CACNA1S: variants seen among roughly 807,000 people sequenced by gnomAD.
The protein encoded by CACNA1S is calcium voltage-gated channel subunit alpha1 S.
CACNA1S carries 126 observed loss-of-function variants against 207.4 expected under a neutral mutation model. The ratio of observed to expected loss-of-function variants is 0.61; its 90% confidence interval spans 0.53 to 0.70. CACNA1S has a LOEUF of 0.70. Among genes scored for constraint, CACNA1S ranks in the 30% least tolerant of loss-of-function variants. CACNA1S has a pLI of 0.00. For missense variants in CACNA1S, 2,349 were observed against 2,422.8 expected, an observed-to-expected ratio of 0.97 and a Z score of 0.64; for synonymous variants, 960 against 932.7, an observed-to-expected ratio of 1.03 and a Z score of -0.53.
chr1:201,058,100 A>G (rs1442084135), intron 28 of CACNA1S, among the ~76,000 whole-genome samples: 1 of 152,064 alleles, frequency 6.6e-6, no homozygotes, highest in Non-Finnish European at 1.5e-5. Context: ...CCTTTCCTTC[A>G]GGCAGATGGC....
At chr1:201,059,361 C>T (rs1660965220) in intron 26 of CACNA1S, 62 bp from the exon 27 acceptor site, 3 of 1,022,208 alleles carry the variant, frequency 2.9e-6, no homozygotes, top group Admixed American at 1.8e-5. Flanking sequence ...CTGTAGATTG[C>T]ATTCCCAGAG....
At chr1:201,058,659 A>T (rs560817431) in intron 27 of CACNA1S, among the ~76,000 whole-genome samples, 168 bp from the exon 28 acceptor site, 1 of 151,336 alleles carries the variant, frequency 6.6e-6, no homozygotes, top group Admixed American at 6.6e-5. Context: ...GGCTCCCCCA[A>T]CTCCAACACT....
At position 201,053,312 on chromosome 1, in the gene CACNA1S, G is replaced by T. The variant is rs771756267; in HGVS notation, c.3796-38C>A. On this transcript the variant is annotated intron_variant, in intron 30 of 43. Transcript: ENST00000362061. The surrounding 1 kb of genome is among the most constrained non-coding windows in gnomAD (Gnocchi z 5.1). ...CGGGAGCGCCAGTCAGTGTCTTAGG[G>T]CTCCACTGTGTGTCTGCAGCCCTGC... The T allele has an allele frequency of 6.2e-7, 1 of 1,613,248 alleles. No homozygotes were observed. Among genetic ancestry groups the T allele is most frequent in the Non-Finnish European group, 8.5e-7 (1 of 1,179,256 alleles).
chr1:201,066,262 T>G lies in CACNA1S; in HGVS notation c.2712A>C (p.Pro904=), dbSNP rs1462621254. 6.2e-7 allele frequency: 1 copy of G among 1,613,598 alleles called. No homozygotes were observed. The highest frequency in any genetic ancestry group is 8.5e-7 in the Non-Finnish European group (1 of 1,179,946). ...KILRVLRVLR[P]LRAINRAKGL... ...CCTTGGCTCTGTTGATGGCTCTGAG[T>G]GGTCGGAGCACCCTCAGCACCCTCA... The change falls in exon 21 of 44, where the codon CCA becomes CCC. Residue 904 remains proline, a synonymous_variant. Transcript: ENST00000362061. This position sits in a 1 kb window ranked among gnomAD's most constrained non-coding sequence, Gnocchi z 4.3.
At chr1:201,064,874 C>T (rs1432219485) in intron 22 of CACNA1S, among the ~76,000 whole-genome samples, 2 of 152,210 alleles carry the variant, frequency 1.3e-5, no homozygotes, top group Admixed American at 6.5e-5. Flanking sequence ...GCCTTAGAGG[C>T]TCCTGGTAGA....
chr1:201,074,527 T>C lies in CACNA1S; in HGVS notation c.2042A>G (p.Lys681Arg). ...TSAQKAKAEE[K>R]KRRKMSKGLP... ...TCACTTGGACATCTTCCTGCGTTTT[T>C]TCTCCTCAGCCTTGGCCTTCTGGGC... The change falls in exon 14 of 44, where the codon AAA becomes AGA. Residue 681 changes from lysine to arginine, a missense_variant. Lys to Arg is a conservative substitution (Grantham distance 26). Transcript: ENST00000362061. The C allele has an allele frequency of 6.2e-7, 1 of 1,613,316 alleles. No homozygotes were observed. Among genetic ancestry groups the C allele is most frequent in the Non-Finnish European group, 8.5e-7 (1 of 1,179,320 alleles).
rs1173273375 is a variant in CACNA1S, at chr1:201,059,227, G to T, written c.3487C>A (p.Leu1163Met). The T allele has an allele frequency of 5.6e-6, 9 of 1,613,380 alleles. No individual in the cohort carries two copies. Among genetic ancestry groups the T allele is most frequent in the Non-Finnish European group, 5.9e-6 (7 of 1,179,298 alleles). Residue 1163 changes from leucine (L) to methionine (M), a missense_variant, in exon 27 of 44, where the codon CTG becomes ATG. By Grantham distance (15) the Leu-to-Met change is conservative. Transcript: ENST00000362061. ...LNVAFTIIFT[L>M]EMILKLMAFK... ...GCCATGAGCTTGAGGATCATCTCCA[G>T]GGTGAAGATGATAGTGAAGGCCACA...
intron 2 of CACNA1S, among the ~76,000 whole-genome samples, chr1:201,102,130 C>T (rs550039993): frequency 6.6e-6 from 1 of 152,308 alleles, no homozygotes; most frequent in African/African-American, 2.4e-5. Flanking sequence ...TTCTGTGGTG[C>T]TGGATACAGC....
intron 2 of CACNA1S, among the ~76,000 whole-genome samples, chr1:201,104,599 C>T (rs939268227): frequency 6.6e-6 from 1 of 152,220 alleles, no homozygotes; most frequent in African/African-American, 2.4e-5. Flanking sequence ...GCTTCACACG[C>T]CTGCTTGTTC....
In CACNA1S at chr1:201,058,192, A is replaced by G. The variant is rs80305999; in HGVS notation, c.3609+216T>C. Among the ~76,000 whole-genome samples the G allele has an allele frequency of 8.3e-3, 1,265 of 152,312 alleles. 15 individuals are homozygous for G. The highest frequency in any genetic ancestry group is 0.024 in the Middle Eastern group (7 of 294). On this transcript the variant is annotated intron_variant, in intron 28 of 43. Transcript: ENST00000362061. ...TTACAGCTCTTGCCTTTGATAGTGTAGTAGGTACACCCATTGTGTCCCCCT... is the reference window on the plus strand; with the variant it reads ...TTACAGCTCTTGCCTTTGATAGTGTGGTAGGTACACCCATTGTGTCCCCCT...
At position 201,095,697 on chromosome 1, in the gene CACNA1S, G is replaced by A. The variant is rs551867155; in HGVS notation, c.259-1676C>T. Among the ~76,000 whole-genome samples the A allele has an allele frequency of 2.3e-3, 347 of 152,344 alleles. 2 individuals are homozygous for A. The highest frequency in any genetic ancestry group is 8.0e-3 in the African/African-American group (333 of 41,578). On this transcript the variant is annotated intron_variant, in intron 2 of 43. Transcript: ENST00000362061. ...TCCCCTTCTTCCAGAAAATGGTAAT[G>A]TGATGATTAAAATGCAAAGCCATGC... is the stretch of plus-strand genomic sequence containing the variant.
intron 9 of CACNA1S, among the ~76,000 whole-genome samples, chr1:201,083,836 C>G (rs915778783): frequency 6.6e-6 from 1 of 152,166 alleles, no homozygotes; most frequent in African/African-American, 2.4e-5. Context: ...CCAGACTGGA[C>G]TTGAACTCTT....
At chr1:201,095,012 C>A (rs934829751) in intron 2 of CACNA1S, among the ~76,000 whole-genome samples, 1 of 152,086 alleles carries the variant, frequency 6.6e-6, no homozygotes, top group African/African-American at 2.4e-5. Flanking sequence ...GGCTTGGCAG[C>A]TTCTAAGAGC....
chr1:201,048,529 C>G, intron 36 of CACNA1S, 53 bp downstream of exon 36: 2 of 1,419,412 alleles, frequency 1.4e-6, no homozygotes. Flanking sequence ...GAATCTGTGC[C>G]AGAAACAGCC....
Position 201,039,921 on chromosome 1 carries a change from G to T in CACNA1S, c.5532C>A (p.Ser1844Arg). 1 of 1,614,056 alleles carries T rather than the reference G, an allele frequency of 6.2e-7. No homozygotes were observed. The highest frequency in any genetic ancestry group is 8.5e-7 in the Non-Finnish European group (1 of 1,180,036). The stretch of plus-strand genomic sequence containing the variant: ...ACCCGAGGTTCAGGCATCCCAGGGA[G>T]CTGGCCATGCCCTCTGGGGCCTCTC... ...KGREAPEGMASSLGCLNLGSS... is the reference protein window; with the variant it reads ...KGREAPEGMARSLGCLNLGSS... The change falls in exon 44 of 44, where the codon AGC (serine) becomes AGA (arginine). Residue 1844 changes from serine (S) to arginine (R), a missense_variant. Transcript: ENST00000362061.
chr1:201,053,423 C>T lies in CACNA1S; in HGVS notation c.3795+36G>A, dbSNP rs776453825. 1.2e-6 allele frequency: 2 copies of T among 1,613,996 alleles called. No individual in the cohort carries two copies. The highest frequency in any genetic ancestry group is 1.7e-6 in the Non-Finnish European group (2 of 1,179,988). ...TGAGGCAGATGTCCCTAGTGGCCTC[C>T]CCAGGTACGTGCAGTTTCCAGGGTC... On this transcript the variant is annotated intron_variant, in intron 30 of 43. Transcript: ENST00000362061. This position sits in a 1 kb window ranked among gnomAD's most constrained non-coding sequence, Gnocchi z 5.1.
rs773702526 is a variant in CACNA1S at position 201,099,845 on chromosome 1, G to A, written c.259-5824C>T. ...CCCCTTGCCTCAGGATGGGTTTGTG[G>A]CAGGGCCCCAGGCTTTTGTTTTTCA... On this transcript the variant is annotated intron_variant, in intron 2 of 43. Coordinates refer to ENST00000362061, the MANE Select transcript of CACNA1S (RefSeq NM_000069.3). Among the ~76,000 whole-genome samples the A allele has an allele frequency of 5.5e-4, 83 of 152,292 alleles. No individual in the cohort carries two copies. In the Middle Eastern group the frequency reaches 0.017, roughly 31 times the overall value.
At position 201,083,202 on chromosome 1, in the gene CACNA1S, T is replaced by C. The variant is rs1661901889; in HGVS notation, c.1353A>G (p.Ser451=). The change falls in exon 10 of 44, where the codon TCA becomes TCG. Residue 451 remains serine, a synonymous_variant. Coordinates refer to ENST00000362061, the MANE Select transcript of CACNA1S (RefSeq NM_000069.3). ...IVALNTLSIA[S]EHHNQPLWLT... ...GCCAGAGAGGCTGGTTGTGGTGCTC[T>C]GAGGCGATAGACAGGGTGTTGAGGG... The C allele has an allele frequency of 1.2e-6, 2 of 1,614,212 alleles. No individual in the cohort carries two copies. The highest frequency in any genetic ancestry group is 8.5e-7 in the Non-Finnish European group (1 of 1,180,036).
intron 22 of CACNA1S, among the ~76,000 whole-genome samples, chr1:201,063,499 G>A (rs1249123572): frequency 6.6e-6 from 1 of 152,104 alleles, no homozygotes; most frequent in East Asian, 1.9e-4. Flanking sequence ...ATGTTGGTCA[G>A]GCTGGTTTTG....
Sources: allele counts gnomAD v4.1 joint callset (sites outside exome capture counted in the v4.1 genomes callset), GRCh38; gene constraint gnomAD v4.1.1; non-coding constraint Gnocchi (gnomAD v3.1); transcripts MANE v1.5; gene names NCBI Gene and HGNC (gene_info 2026-07-23, HGNC 2026-07-21).